Variants in PTPRR observed in about 807,000 individuals in gnomAD.
The protein encoded by PTPRR is receptor-type tyrosine-protein phosphatase R.
Under a neutral mutation model 77.2 loss-of-function variants are expected in PTPRR, and 38 were observed. The ratio of observed to expected loss-of-function variants is 0.49; its 90% CI spans 0.38 to 0.65. PTPRR has a LOEUF of 0.65. PTPRR is among the 30% of genes least tolerant of loss of function. The pLI is 0.00. For synonymous variants in PTPRR, 299 were observed against 283.1 expected (o/e 1.06, Z -0.57); for missense variants, 744 against 799.2 (o/e 0.93, Z 0.83).
At chr12:70,884,871 CAAAAAA>C (rs529547383) in intron 2 of PTPRR, among the ~76,000 whole-genome samples, 183 of 53,928 alleles carry the variant, frequency 3.4e-3, no homozygotes, top group Admixed American at 5.1e-3. Context: ...AACTCTGTCT[CAAAAAA>C]AAAAAAAAAA....
At position 70,800,849 on chromosome 12, in the gene PTPRR, C is replaced by T. The variant is rs566285528; in HGVS notation, c.358-36071G>A. On this transcript the variant is annotated intron_variant, in intron 2 of 13. Transcript: ENST00000283228. ...GGCGGAGGTTGTAGTGAGCTGAGAT[C>T]GCACTATTGCACTCCAGCCTGGGAG... Among the ~76,000 whole-genome samples the T allele has an allele frequency of 8.6e-5, 13 of 151,188 alleles. No individual in the cohort carries two copies. In the East Asian group the frequency reaches 1.8e-3, roughly 21 times the overall value.
chr12:70,851,801 T>G (rs951539356), intron 2 of PTPRR, among the ~76,000 whole-genome samples: 1 of 152,176 alleles, frequency 6.6e-6, no homozygotes, highest in Non-Finnish European at 1.5e-5. Context: ...TCAGAGATAT[T>G]GAAATGTGAA....
intron 2 of PTPRR, among the ~76,000 whole-genome samples, chr12:70,843,488 T>C (rs1309058798): frequency 6.6e-6 from 1 of 152,202 alleles, no homozygotes; most frequent in Non-Finnish European, 1.5e-5. Flanking sequence ...CCTATCTTCA[T>C]AGTTAAGTGC....
At chr12:70,716,427 G>A (rs961005896) in intron 6 of PTPRR, among the ~76,000 whole-genome samples, 1 of 151,324 alleles carries the variant, frequency 6.6e-6, no homozygotes, top group Non-Finnish European at 1.5e-5. Context: ...TGCAAATTAT[G>A]AAATATTTAC....
intron 1 of PTPRR, among the ~76,000 whole-genome samples, chr12:70,908,614 G>T (rs999084455): frequency 3.3e-5 from 5 of 152,172 alleles, no homozygotes; most frequent in Non-Finnish European, 7.3e-5. Flanking sequence ...AACAGGTGGG[G>T]ATTATGAGAA....
At chr12:70,874,616 T>C (rs1893017710) in intron 2 of PTPRR, among the ~76,000 whole-genome samples, 1 of 152,146 alleles carries the variant, frequency 6.6e-6, no homozygotes, top group Admixed American at 6.5e-5. Context: ...TTCAGTTACA[T>C]ATAACTTTTG....
rs568080588 is a variant in PTPRR, at chr12:70,747,679, C to A, written c.739-1593G>T. ...TGTAACATATTTTCCAATCAGTCAT[C>A]TGTTTACTTCATGTCTGGTTACAGG... On this transcript the variant is annotated intron_variant, in intron 5 of 13. Coordinates refer to ENST00000283228, the MANE Select transcript of PTPRR (RefSeq NM_002849.4). 1.1e-3 allele frequency among the ~76,000 whole-genome samples: 170 copies of A among 152,290 alleles called. 1 individual carries two copies. The highest frequency in any genetic ancestry group is 1.5e-3 in the Non-Finnish European group (99 of 68,028).
At chr12:70,784,593 C>G (rs1891282761) in intron 2 of PTPRR, among the ~76,000 whole-genome samples, 1 of 152,222 alleles carries the variant, frequency 6.6e-6, no homozygotes, top group Non-Finnish European at 1.5e-5. Flanking sequence ...AGTACCCTCC[C>G]TGCAGCGGCC....
intron 8 of PTPRR, among the ~76,000 whole-genome samples, chr12:70,688,503 T>A (rs1384722202): frequency 1.3e-5 from 2 of 152,182 alleles, no homozygotes; most frequent in Non-Finnish European, 2.9e-5. Context: ...TATCACTTCA[T>A]ACCTGTTAGA....
At chr12:70,909,763 G>C (rs901487570) in intron 1 of PTPRR, among the ~76,000 whole-genome samples, 3 of 152,180 alleles carry the variant, frequency 2.0e-5, no homozygotes, top group African/African-American at 7.2e-5. Context: ...ATAGTCTGTA[G>C]AGTAGGGTAG....
chr12:70,895,031 G>A (rs150210317), intron 1 of PTPRR, among the ~76,000 whole-genome samples: 2 of 151,592 alleles, frequency 1.3e-5, no homozygotes, highest in East Asian at 3.9e-4. Flanking sequence ...TTATATCGTG[G>A]AATAAAGCAC....
rs199837834 is a variant in PTPRR at position 70,675,167 on chromosome 12, AT to A, written c.1497+8959del. Among the ~76,000 whole-genome samples, 131 of 151,882 alleles carry A rather than the reference AT, an allele frequency of 8.6e-4. 2 individuals carry two copies. In the East Asian group the frequency reaches 0.015, roughly 17 times the overall value. ...CTTTTGATTAGTATTAGTTTGGTGT[AT>A]TTTTTTCCATCCTTTCCATTTTAAC... On this transcript the variant is annotated intron_variant, in intron 10 of 13. Coordinates refer to ENST00000283228, the MANE Select transcript of PTPRR (RefSeq NM_002849.4).
chr12:70,864,289 T>G (rs1892803441), intron 2 of PTPRR, among the ~76,000 whole-genome samples: 1 of 152,192 alleles, frequency 6.6e-6, no homozygotes, highest in Non-Finnish European at 1.5e-5. Flanking sequence ...AATGCTAAGC[T>G]TATTTCTTGG....
chr12:70,763,342 AGGC>A (rs1176419035), intron 3 of PTPRR, among the ~76,000 whole-genome samples: 2 of 152,132 alleles, frequency 1.3e-5, no homozygotes, highest in Non-Finnish European at 2.9e-5. Flanking sequence ...CATGTTGGCC[AGGC>A]TGGTCTCAAA....
intron 6 of PTPRR, among the ~76,000 whole-genome samples, chr12:70,717,061 C>T (rs538954515): frequency 1.0e-3 from 156 of 152,284 alleles, no homozygotes; most frequent in Middle Eastern, 3.4e-3. Flanking sequence ...TTTTAAACAA[C>T]GGCTACAAGA....
chr12:70,696,217 TACTC>T (rs995833776), intron 8 of PTPRR, among the ~76,000 whole-genome samples: 6 of 152,128 alleles, frequency 3.9e-5, no homozygotes, highest in Non-Finnish European at 8.8e-5. Flanking sequence ...CAGAATTAAT[TACTC>T]AGTCCTCTCT....
intron 3 of PTPRR, 106 bp downstream of exon 3, chr12:70,764,559 C>G (rs1167626895): frequency 5.8e-6 from 5 of 857,908 alleles, no homozygotes; most frequent in Admixed American, 2.2e-5. Context: ...ACATGACGTG[C>G]CGGATTTGGC....
At chr12:70,837,657 C>T (rs183222689) in intron 2 of PTPRR, among the ~76,000 whole-genome samples, 1 of 152,220 alleles carries the variant, frequency 6.6e-6, no homozygotes, top group East Asian at 1.9e-4. Flanking sequence ...GGGTATGCCA[C>T]CCTCTAGAAA....
intron 2 of PTPRR, among the ~76,000 whole-genome samples, chr12:70,766,324 C>T (rs1890821007): frequency 6.6e-6 from 1 of 152,120 alleles, no homozygotes; most frequent in African/African-American, 2.4e-5. Flanking sequence ...CTTAAAGGAG[C>T]TGATGGAGCT....
Sources: allele counts gnomAD v4.1 joint callset (sites outside exome capture counted in the v4.1 genomes callset), GRCh38; gene constraint gnomAD v4.1.1; transcripts MANE v1.5; gene names NCBI Gene and HGNC (gene_info 2026-07-23, HGNC 2026-07-21).